NUP62CL: variants seen among roughly 807,000 people sequenced by gnomAD.
NUP62CL encodes nucleoporin-62 C-terminal-like protein.
In NUP62CL, 13 loss-of-function variants were observed where a neutral mutation model predicts 15.3. The observed-to-expected ratio is 0.85, with a 90% confidence interval of 0.55 to 1.35. The LOEUF is 1.35. NUP62CL is among the 40% of genes most tolerant of loss of function. The pLI is 0.00. For synonymous variants in NUP62CL, 54 were observed against 49.2 expected (o/e 1.10, Z -0.41); for missense variants, 123 against 130.6 (o/e 0.94, Z 0.28).
At chrX:107,136,146 C>T (rs1209634171) in intron 8 of NUP62CL, among the ~76,000 whole-genome samples, 1 of 109,390 alleles carries the variant, frequency 9.1e-6, no homozygotes, top group Non-Finnish European at 1.9e-5. Context: ...AAAAAGCTGA[C>T]TCTGAAAAAA....
intron 2 of NUP62CL, among the ~76,000 whole-genome samples, chrX:107,175,837 C>A (rs1232224987): frequency 2.7e-5 from 3 of 111,384 alleles, no homozygotes; most frequent in African/African-American, 9.8e-5. Flanking sequence ...TCACTTCCAA[C>A]ACAGAGTTGA....
In NUP62CL at chrX:107,142,434, T is replaced by C. The variant is rs752923648; in HGVS notation, c.*42+5309A>G. On this transcript the variant is annotated intron_variant, in intron 8 of 8. Coordinates refer to ENST00000372466, the MANE Select transcript of NUP62CL (RefSeq NM_017681.3). ...TAGCAGCCTAAATGTTGTGAGCAGC[T>C]ATTAAATAATTATCCAGTTCTATTC... 6.2e-4 allele frequency among the ~76,000 whole-genome samples: 70 copies of C among 112,106 alleles called. 1 individual carries two copies. The highest frequency in any genetic ancestry group is 6.4e-4 in the Non-Finnish European group (34 of 53,218).
chrX:107,162,313 G>A (rs1302062744), intron 4 of NUP62CL, among the ~76,000 whole-genome samples: 1 of 110,242 alleles, frequency 9.1e-6, no homozygotes, highest in Admixed American at 9.7e-5. Flanking sequence ...ACTGAAAAAC[G>A]TATTTAAAAA....
At chrX:107,205,026 TGTG>T (rs200314578) in intron 1 of NUP62CL, among the ~76,000 whole-genome samples, 1,150 of 110,229 alleles carry the variant, frequency 0.01, 12 homozygotes, top group South Asian at 0.1. Context: ...ATTAGGGTGT[TGTG>T]GTGTACATTT....
intron 2 of NUP62CL, among the ~76,000 whole-genome samples, chrX:107,183,823 C>T (rs1449374702): frequency 2.7e-5 from 3 of 111,259 alleles, no homozygotes; most frequent in Non-Finnish European, 3.8e-5. Context: ...AGCCTAGACA[C>T]CCACCCTTGT....
chrX:107,167,767 T>C lies in NUP62CL; in HGVS notation c.76A>G (p.Thr26Ala), dbSNP rs1025989218. 1 of 1,194,880 alleles carries C rather than the reference T, an allele frequency of 8.4e-7. No individual in the cohort carries two copies. Among genetic ancestry groups the C allele is most frequent in the Non-Finnish European group, 1.1e-6 (1 of 881,804 alleles). Residue 26 changes from threonine (T) to alanine (A), a missense_variant, in exon 4 of 9, where the codon ACC becomes GCC. By Grantham distance (58) the Thr-to-Ala change is moderately conservative. Transcript: ENST00000372466. Reference protein sequence around the residue: ...IGLSFTTSTTTTATFTTNTTT... With the variant: ...IGLSFTTSTTATATFTTNTTT... ...GTGTTGGTGGTGAAAGTGGCGGTGG[T>C]AGTCGTTGAAGTTGTAACTGGAAAA... is the stretch of plus-strand genomic sequence containing the variant.
intron 3 of NUP62CL, among the ~76,000 whole-genome samples, chrX:107,174,068 C>CCTCT (rs756292893): frequency 3.0e-5 from 2 of 66,438 alleles, no homozygotes; most frequent in African/African-American, 6.1e-5. Context: ...TCCCTCCCTC[C>CCTCT]CTCTCTCTCT....
At chrX:107,139,497 A>T (rs1314055684) in intron 8 of NUP62CL, among the ~76,000 whole-genome samples, 1 of 112,041 alleles carries the variant, frequency 8.9e-6, no homozygotes, top group African/African-American at 3.2e-5. Flanking sequence ...TTAAAAAAAG[A>T]CCAACGCACA....
intron 8 of NUP62CL, among the ~76,000 whole-genome samples, chrX:107,135,277 T>TG (rs1925613667): frequency 1.8e-5 from 2 of 111,389 alleles, no homozygotes; most frequent in Admixed American, 9.5e-5. Flanking sequence ...TGCTGAGTGA[T>TG]GGGAAAAAAA....
chrX:107,175,272 C>A, intron 2 of NUP62CL, 79 bp from the exon 3 acceptor site: 2 of 492,620 alleles, frequency 4.1e-6, no homozygotes, highest in Non-Finnish European at 7.1e-6. Flanking sequence ...TGACAAGGTT[C>A]ATTAATATGG....
intron 8 of NUP62CL, among the ~76,000 whole-genome samples, chrX:107,132,710 G>A (rs918530620): frequency 6.2e-5 from 7 of 112,098 alleles, no homozygotes; most frequent in African/African-American, 9.7e-5. Context: ...AGTGAGCTGC[G>A]TTTGCGCCTC....
intron 4 of NUP62CL, among the ~76,000 whole-genome samples, chrX:107,160,852 A>G (rs1447517048): frequency 1.8e-5 from 2 of 110,134 alleles, no homozygotes; most frequent in Admixed American, 9.7e-5. Context: ...GCAACCTACA[A>G]CATGGGAGAA....
At chrX:107,125,246 G>A (rs1905426485) in intron 8 of NUP62CL, among the ~76,000 whole-genome samples, 1 of 111,151 alleles carries the variant, frequency 9.0e-6, no homozygotes, top group South Asian at 3.8e-4. Flanking sequence ...TTTTTCTCTA[G>A]CTTACTTTAT....
intron 3 of NUP62CL, among the ~76,000 whole-genome samples, chrX:107,170,663 C>T (rs1026573008): frequency 9.0e-6 from 1 of 111,631 alleles, no homozygotes; most frequent in Admixed American, 9.5e-5. Flanking sequence ...CCACCTGCCT[C>T]GGCCTCCCAA....
chrX:107,169,348 A>G, intron 3 of NUP62CL, among the ~76,000 whole-genome samples: 1 of 112,158 alleles, frequency 8.9e-6, no homozygotes, highest in Middle Eastern at 4.6e-3. Context: ...AGAATAACCG[A>G]ATTATGTATA....
At chrX:107,155,965 T>C (rs1451397709) in intron 4 of NUP62CL, among the ~76,000 whole-genome samples, 3 of 112,074 alleles carry the variant, frequency 2.7e-5, no homozygotes, top group African/African-American at 6.5e-5. Context: ...TTCCCTCACC[T>C]GGGAAGCGCA....
intron 2 of NUP62CL, among the ~76,000 whole-genome samples, chrX:107,187,642 C>T (rs989074531): frequency 5.3e-5 from 6 of 112,721 alleles, no homozygotes; most frequent in Non-Finnish European, 1.1e-4. Flanking sequence ...AGGTGATCCG[C>T]CCGCCTAGGC....
chrX:107,157,933 G>A (rs1298143725), intron 4 of NUP62CL, among the ~76,000 whole-genome samples: 1 of 107,496 alleles, frequency 9.3e-6, no homozygotes, highest in East Asian at 2.9e-4. Context: ...GATGGAGGAA[G>A]ATCTACCAAG....
intron 2 of NUP62CL, among the ~76,000 whole-genome samples, chrX:107,178,820 T>A (rs1471436933): frequency 9.0e-6 from 1 of 111,451 alleles, no homozygotes; most frequent in African/African-American, 3.3e-5. Context: ...AAGAACCATA[T>A]GTACACTTTT....
Sources: allele counts gnomAD v4.1 joint callset (sites outside exome capture counted in the v4.1 genomes callset), GRCh38; gene constraint gnomAD v4.1.1; transcripts MANE v1.5; gene names NCBI Gene and HGNC (gene_info 2026-07-23, HGNC 2026-07-21).